CATSPERB: variants seen among roughly 807,000 people sequenced by gnomAD.
CATSPERB encodes the protein cation channel sperm-associated auxiliary subunit beta.
In CATSPERB, 93 loss-of-function variants were observed where a neutral mutation model predicts 128.3. The observed-to-expected ratio is 0.72, with a 90% CI of 0.61 to 0.86. The LOEUF (loss-of-function observed/expected upper bound fraction) is 0.86, where lower values mean the gene tolerates loss of function less well. Ranked by LOEUF, CATSPERB falls within the 40% of genes least tolerant of loss-of-function variation. The pLI, the probability that CATSPERB is intolerant of heterozygous loss-of-function variation, is 0.00. For missense variants in CATSPERB, 1,153 were observed against 1,329.5 expected, an observed-to-expected ratio of 0.87 and a Z score of 2.06; for synonymous variants, 381 against 448.8, an observed-to-expected ratio of 0.85 and a Z score of 1.91.
chr14:91,619,557 A>ATTTT (rs1249897264), intron 19 of CATSPERB, among the ~76,000 whole-genome samples: 1 of 78,712 alleles, frequency 1.3e-5, no homozygotes, highest in Non-Finnish European at 3.2e-5. Context: ...TTTTTTTAAA[A>ATTTT]AAAAAATAGC....
intron 15 of CATSPERB, among the ~76,000 whole-genome samples, chr14:91,657,117 G>T (rs959421831): frequency 6.6e-6 from 1 of 151,954 alleles, no homozygotes. Flanking sequence ...TGTCTGGACA[G>T]GTCATCCAGA....
Position 91,580,743 on chromosome 14 carries a change from G to C in CATSPERB, c.*146C>G, listed in dbSNP as rs1218933360. On this transcript the variant is annotated 3_prime_UTR_variant, in exon 27 of 27. Transcript: ENST00000256343. ...GTATTCAAAATAAGAAAAGGAAATG[G>C]TGAATATATTGACAAGTAGCAATTT... 6.2e-6 allele frequency: 4 copies of C among 646,090 alleles called. No individual in the cohort carries two copies. Among genetic ancestry groups the C allele is most frequent in the Admixed American group, 3.0e-5 (1 of 33,852 alleles). The allele number at this position is 646,090 out of a possible 1,614,324, so 40.0% of individuals were successfully genotyped here.
chr14:91,635,237 C>T (rs1214811450), intron 17 of CATSPERB, among the ~76,000 whole-genome samples: 1 of 152,088 alleles, frequency 6.6e-6, no homozygotes, highest in African/African-American at 2.4e-5. Flanking sequence ...TTAGGATTTC[C>T]ACATATGAAT....
At chr14:91,591,618 G>T (rs1347357135) in intron 23 of CATSPERB, among the ~76,000 whole-genome samples, 1 of 151,756 alleles carries the variant, frequency 6.6e-6, no homozygotes, top group Non-Finnish European at 1.5e-5. Flanking sequence ...ATACACAGGG[G>T]TGTGTGTGGG....
intron 19 of CATSPERB, among the ~76,000 whole-genome samples, chr14:91,619,861 T>TTGTGTGTGTGTG (rs55687285): frequency 2.2e-4 from 31 of 139,122 alleles, no homozygotes; most frequent in Admixed American, 1.2e-3. Flanking sequence ...TGTAATAAAA[T>TTGTGTGTGTGTG]TGTGTGTGTG....
chr14:91,639,603 T>G (rs1428493921), intron 15 of CATSPERB, among the ~76,000 whole-genome samples: 1 of 152,160 alleles, frequency 6.6e-6, no homozygotes, highest in Non-Finnish European at 1.5e-5. Flanking sequence ...AAACAATCCT[T>G]AGGAAGGCAA....
chr14:91,588,527 C>T (rs1418379412), intron 24 of CATSPERB, among the ~76,000 whole-genome samples: 1 of 152,110 alleles, frequency 6.6e-6, no homozygotes, highest in Non-Finnish European at 1.5e-5. Context: ...TAAAGTTTTA[C>T]AATGAGATTA....
intron 20 of CATSPERB, among the ~76,000 whole-genome samples, chr14:91,612,362 G>A (rs1893852265): frequency 6.6e-6 from 1 of 151,958 alleles, no homozygotes; most frequent in Non-Finnish European, 1.5e-5. Context: ...TGTTGCCTAG[G>A]CTGGTCTCGA....
intron 20 of CATSPERB, among the ~76,000 whole-genome samples, chr14:91,612,060 CTTTCTTCCTTTT>C (rs1388439393): frequency 3.2e-5 from 2 of 62,344 alleles, no homozygotes; most frequent in East Asian, 4.6e-4. Context: ...TTCTTTCTTT[CTTTCTTCCTTTT>C]TTTAAGAGAT....
intron 17 of CATSPERB, among the ~76,000 whole-genome samples, chr14:91,633,583 G>T (rs991969124): frequency 2.0e-5 from 3 of 151,822 alleles, no homozygotes; most frequent in African/African-American, 7.3e-5. Flanking sequence ...TATGAAAACA[G>T]GTAATATACA....
intron 5 of CATSPERB, among the ~76,000 whole-genome samples, chr14:91,717,262 A>G (rs1355893272): frequency 6.6e-6 from 1 of 152,080 alleles, no homozygotes; most frequent in Non-Finnish European, 1.5e-5. Context: ...GCCTGATGGA[A>G]CTGTTCTATG....
intron 7 of CATSPERB, among the ~76,000 whole-genome samples, chr14:91,695,150 G>C: frequency 2.2e-5 from 2 of 89,420 alleles, no homozygotes; most frequent in South Asian, 6.9e-4. Context: ...TTTTTTTTTT[G>C]ATAGAGTCTC....
At chr14:91,693,953 C>A (rs921198861) in intron 7 of CATSPERB, among the ~76,000 whole-genome samples, 1 of 152,086 alleles carries the variant, frequency 6.6e-6, no homozygotes, top group Admixed American at 6.6e-5. Context: ...AGATAGGGAA[C>A]CCTTATCTGC....
intron 14 of CATSPERB, among the ~76,000 whole-genome samples, chr14:91,663,441 C>T (rs966699578): frequency 2.3e-4 from 35 of 152,072 alleles, no homozygotes; most frequent in Admixed American, 1.6e-3. Flanking sequence ...GTCAGGAGAT[C>T]GAGACCATCC....
At chr14:91,586,364 A>C (rs537848397) in intron 26 of CATSPERB, among the ~76,000 whole-genome samples, 1 of 152,170 alleles carries the variant, frequency 6.6e-6, no homozygotes, top group Non-Finnish European at 1.5e-5. Flanking sequence ...AAGAGAGAAA[A>C]AAATAACAAG....
intron 15 of CATSPERB, among the ~76,000 whole-genome samples, chr14:91,653,974 T>G (rs553410915): frequency 6.6e-6 from 1 of 152,140 alleles, no homozygotes; most frequent in Non-Finnish European, 1.5e-5. Flanking sequence ...ACCTACACTA[T>G]GTTAGAGCAA....
intron 22 of CATSPERB, 79 bp downstream of exon 22, chr14:91,608,215 T>C: frequency 1.1e-6 from 1 of 878,740 alleles, no homozygotes; most frequent in Non-Finnish European, 1.9e-6. Context: ...ATTTAACACT[T>C]ATAGCTATAT....
intron 22 of CATSPERB, among the ~76,000 whole-genome samples, chr14:91,597,788 G>T (rs1049415006): frequency 2.0e-5 from 3 of 152,168 alleles, no homozygotes; most frequent in Non-Finnish European, 4.4e-5. Context: ...ATTGCTGTCA[G>T]TGTTTAAGAT....
Position 91,727,202 on chromosome 14 carries a change from C to T in CATSPERB, c.80-2034G>A, listed in dbSNP as rs542049990. ...GTATATTTTGTATGCTAAGTTTTGG[C>T]GTAGAAATGAATCTGTCTCCCAGGT... is the stretch of plus-strand genomic sequence containing the variant. On this transcript the variant is annotated intron_variant, in intron 2 of 26. Transcript: ENST00000256343. 6.6e-5 allele frequency among the ~76,000 whole-genome samples: 10 copies of T among 152,218 alleles called. No individual in the cohort carries two copies. The East Asian group carries it at 9.7e-4, about 15-fold the overall frequency.
Sources: gnomAD v4.1 joint callset for allele counts (sites outside exome capture counted in the v4.1 genomes callset) on GRCh38, gnomAD v4.1.1 for gene constraint, MANE v1.5 for transcripts, NCBI Gene and HGNC (gene_info 2026-07-23, HGNC 2026-07-21) for gene names.